The following IGSF10 variants were observed in gnomAD, a reference collection of about 807,000 sequenced individuals.
IGSF10 encodes the protein calvaria mechanical force protein 608.
A neutral mutation model predicts 128.2 loss-of-function variants in IGSF10; 126 were observed. That is an observed-to-expected ratio of 0.98 (90% CI 0.85 to 1.14). The LOEUF is 1.14. Ranked by LOEUF, IGSF10 falls within the 50% of genes most tolerant of loss-of-function variation. The pLI is 0.00. For synonymous variants in IGSF10, 1,185 were observed against 1,146.2 expected (o/e 1.03, Z -0.68); for missense variants, 3,295 against 3,149.8 (o/e 1.05, Z -1.10).
At chr3:151,569,546 G>A in the IGSF10 span, among the ~76,000 whole-genome samples, 1 of 152,224 alleles carries the variant, frequency 6.6e-6, no homozygotes, top group African/African-American at 2.4e-5. Context: ...CACCATTTAA[G>A]TAGGGGTATT....
the IGSF10 span, among the ~76,000 whole-genome samples, chr3:151,618,270 T>C: frequency 1.3e-5 from 2 of 152,176 alleles, no homozygotes; most frequent in Non-Finnish European, 2.9e-5. Flanking sequence ...CTTGGACATC[T>C]GTCTCCAGAA....
rs1269066830 is a variant in IGSF10, at chr3:151,438,886, G to A, written c.5964-289C>T. ...TATATAGAGAGAGAGAAATGACCAC[G>A]ATTAACTAGCATGTCCATCACCTCA... On this transcript the variant is annotated intron_variant, in intron 7 of 7. Transcript: ENST00000282466. Among the ~76,000 whole-genome samples, 6 of 150,852 alleles carry A rather than the reference G, an allele frequency of 4.0e-5. No individual in the cohort carries two copies. In the South Asian group the frequency reaches 6.3e-4, roughly 16 times the overall value.
intron 4 of IGSF10, among the ~76,000 whole-genome samples, chr3:151,454,057 G>T (rs372874840): frequency 7.2e-6 from 1 of 139,338 alleles, no homozygotes; most frequent in Admixed American, 7.7e-5. Context: ...TTGCTCTGTC[G>T]CCCAGGCTGG....
rs1458748892 is a variant in IGSF10 at position 151,445,598 on chromosome 3, G to T, written c.4383C>A (p.Thr1461=). The part of the protein sequence containing the change: ...TTRKAIIRHS[T]IPPFLSSSAT... Reference sequence around the variant, plus strand: ...CACTGCTGCTCAAGAATGGTGGTATGGTTGAGTGTCTAATGATTGCTTTCC... The same window carrying T: ...CACTGCTGCTCAAGAATGGTGGTATTGTTGAGTGTCTAATGATTGCTTTCC... Residue 1461 remains threonine, a synonymous_variant, in exon 6 of 8, where the codon ACC becomes ACA. Transcript: ENST00000282466. The T allele has an allele frequency of 6.2e-7, 1 of 1,614,134 alleles. No individual in the cohort carries two copies. Among genetic ancestry groups the T allele is most frequent in the South Asian group, 1.1e-5 (1 of 91,084 alleles).
chr3:151,555,075 T>G, the IGSF10 span, among the ~76,000 whole-genome samples: 4 of 152,080 alleles, frequency 2.6e-5, no homozygotes, highest in African/African-American at 9.7e-5. Context: ...GGCTTTAAAG[T>G]GGCAAGGAAA....
the IGSF10 span, among the ~76,000 whole-genome samples, chr3:151,616,540 C>T: frequency 6.6e-6 from 1 of 152,000 alleles, no homozygotes; most frequent in South Asian, 2.1e-4. Flanking sequence ...AATACTTAGG[C>T]CCCTTTAAAG....
chr3:151,558,359 C>T, the IGSF10 span, among the ~76,000 whole-genome samples: 1 of 151,920 alleles, frequency 6.6e-6, no homozygotes, highest in African/African-American at 2.4e-5. Flanking sequence ...GTTGGCTTTA[C>T]TATCACAGAA....
the IGSF10 span, among the ~76,000 whole-genome samples, chr3:151,602,643 A>C: frequency 6.6e-6 from 1 of 151,604 alleles, no homozygotes; most frequent in Non-Finnish European, 1.5e-5. Context: ...TCATCGGCTG[A>C]TCAGCTGCCT....
intron 7 of IGSF10, among the ~76,000 whole-genome samples, 179 bp downstream of exon 7, chr3:151,442,805 G>C (rs941880114): frequency 6.6e-6 from 1 of 152,094 alleles, no homozygotes; most frequent in Non-Finnish European, 1.5e-5. Context: ...TGAAAAGAAT[G>C]GTTTTTGTAT....
At chr3:151,491,406 G>A in the IGSF10 span, among the ~76,000 whole-genome samples, 1 of 151,852 alleles carries the variant, frequency 6.6e-6, no homozygotes, top group Non-Finnish European at 1.5e-5. Flanking sequence ...ATGAGACCCC[G>A]TCTCTACTAA....
chr3:151,525,002 CTTTTTTTTTTTTTTTTTTTT>C, the IGSF10 span, among the ~76,000 whole-genome samples: 389 of 49,738 alleles, frequency 7.8e-3, 7 homozygotes, highest in African/African-American at 0.029. Flanking sequence ...TGCATTACAC[CTTTTTTTTTTTTTTTTTTTT>C]TTTTTTTTTT....
the IGSF10 span, among the ~76,000 whole-genome samples, chr3:151,568,074 A>G: frequency 2.0e-5 from 3 of 152,196 alleles, no homozygotes; most frequent in Non-Finnish European, 4.4e-5. Flanking sequence ...TTTATTTGTC[A>G]GAAGAGTAAA....
At chr3:151,512,786 C>T in the IGSF10 span, among the ~76,000 whole-genome samples, 1 of 152,234 alleles carries the variant, frequency 6.6e-6, no homozygotes, top group South Asian at 2.1e-4. Context: ...GGGGATATCA[C>T]CACTGATCCC....
chr3:151,589,957 CT>C, the IGSF10 span, among the ~76,000 whole-genome samples: 16 of 151,040 alleles, frequency 1.1e-4, no homozygotes, highest in African/African-American at 2.7e-4. Flanking sequence ...AAAGAGTTTA[CT>C]TTTTTTTTAA....
chr3:151,574,016 C>A, the IGSF10 span, among the ~76,000 whole-genome samples: 110 of 151,572 alleles, frequency 7.3e-4, 1 homozygote, highest in South Asian at 0.013. Flanking sequence ...TATGAAAATT[C>A]TTTTCTTTAA....
At chr3:151,511,133 G>A in the IGSF10 span, among the ~76,000 whole-genome samples, 648 of 152,118 alleles carry the variant, frequency 4.3e-3, 2 homozygotes, top group African/African-American at 0.015. Flanking sequence ...GATACTCCTC[G>A]AGAAGAGCAA....
chr3:151,548,216 T>C, the IGSF10 span, among the ~76,000 whole-genome samples: 2 of 152,162 alleles, frequency 1.3e-5, no homozygotes, highest in Non-Finnish European at 2.9e-5. Context: ...GAAGTCTGAC[T>C]ACCCTAAACA....
chr3:151,577,971 C>T, the IGSF10 span, among the ~76,000 whole-genome samples: 2 of 152,160 alleles, frequency 1.3e-5, no homozygotes, highest in African/African-American at 2.4e-5. Context: ...AGCCCATCCT[C>T]TGCAAGTCCA....
chr3:151,485,015 G>A, the IGSF10 span, among the ~76,000 whole-genome samples: 4 of 152,106 alleles, frequency 2.6e-5, no homozygotes, highest in Non-Finnish European at 5.9e-5. Flanking sequence ...CCAAGCTAAA[G>A]GATCATGTTC....
Sources: gnomAD v4.1 joint callset for allele counts (sites outside exome capture counted in the v4.1 genomes callset) on GRCh38, gnomAD v4.1.1 for gene constraint, MANE v1.5 for transcripts, NCBI Gene and HGNC (gene_info 2026-07-23, HGNC 2026-07-21) for gene names.